Variants in DACH2 observed in about 807,000 individuals in gnomAD.
DACH2 encodes dachshund family transcription factor 2, also known as dachshund homolog 2.
A neutral mutation model predicts 35.8 loss-of-function variants in DACH2; 17 were observed. The observed-to-expected ratio is 0.48, with a 90% CI of 0.33 to 0.71. DACH2 has a LOEUF of 0.71. DACH2 is among the 30% of genes least tolerant of loss of function. DACH2 has a pLI of 0.02. For missense variants in DACH2, 469 were observed against 472.7 expected (o/e 0.99, Z 0.07); for synonymous variants, 195 against 177.3 (o/e 1.10, Z -0.79).
At chrX:86,621,817 T>C (rs112306068) in intron 3 of DACH2, among the ~76,000 whole-genome samples, 1 of 112,103 alleles carries the variant, frequency 8.9e-6, no homozygotes, top group Non-Finnish European at 1.9e-5. Context: ...TTCTCTTACA[T>C]TGGCTCTGTC....
At chrX:86,765,697 G>GTT (rs2041925172) in intron 7 of DACH2, among the ~76,000 whole-genome samples, 2 of 35,215 alleles carry the variant, frequency 5.7e-5, no homozygotes, top group Non-Finnish European at 5.2e-5. Flanking sequence ...GTTGTTTTTT[G>GTT]GTTTTTTTTT....
chrX:86,796,355 T>A (rs1469011792), intron 7 of DACH2, among the ~76,000 whole-genome samples: 1 of 111,653 alleles, frequency 9.0e-6, no homozygotes, highest in Non-Finnish European at 1.9e-5. Context: ...TTGGTGTGTT[T>A]ACAATCCTTT....
chrX:86,687,807 C>T (rs1176778373), intron 4 of DACH2, among the ~76,000 whole-genome samples: 1 of 109,720 alleles, frequency 9.1e-6, no homozygotes, highest in Non-Finnish European at 1.9e-5. Flanking sequence ...AAACCAAACA[C>T]CGCATGTTCT....
At chrX:86,523,063 G>A (rs1024148673) in intron 3 of DACH2, among the ~76,000 whole-genome samples, 6 of 111,579 alleles carry the variant, frequency 5.4e-5, no homozygotes, top group Non-Finnish European at 1.1e-4. Flanking sequence ...AAAATTCTGT[G>A]GTGTTCATTC....
intron 7 of DACH2, among the ~76,000 whole-genome samples, chrX:86,740,126 A>G: frequency 9.0e-6 from 1 of 111,308 alleles, no homozygotes. Flanking sequence ...TGGAAGTAAT[A>G]TGATGAAATT....
At chrX:86,621,650 A>G (rs1441891055) in intron 3 of DACH2, among the ~76,000 whole-genome samples, 1 of 111,833 alleles carries the variant, frequency 8.9e-6, no homozygotes, top group East Asian at 2.8e-4. Flanking sequence ...CATGCTAGTC[A>G]GTCTCTCTTG....
chrX:86,638,589 C>T (rs1428071727), intron 3 of DACH2, among the ~76,000 whole-genome samples: 1 of 111,276 alleles, frequency 9.0e-6, no homozygotes, highest in Non-Finnish European at 1.9e-5. Context: ...CATTAACAAG[C>T]AGGTAAAGGA....
At chrX:86,638,180 C>A (rs2040300821) in intron 3 of DACH2, among the ~76,000 whole-genome samples, 1 of 111,826 alleles carries the variant, frequency 8.9e-6, no homozygotes, top group Non-Finnish European at 1.9e-5. Flanking sequence ...CCACCCTCTT[C>A]AATGGTGCTG....
Position 86,148,457 on chromosome X carries a change from T to C in DACH2, c.-164T>C, listed in dbSNP as rs1186530263. ...CAGCGGGTCGGGGCTGCTCACTGTT[T>C]GTTGAGCTTGAGCGTGAGCCGGCTG... On this transcript the variant is annotated 5_prime_UTR_variant, in exon 1 of 12. Transcript: ENST00000373125. 3.6e-6 allele frequency: 2 copies of C among 558,664 alleles called. No individual in the cohort carries two copies. The highest frequency in any genetic ancestry group is 8.3e-5 in the Admixed American group (2 of 24,103). The allele number at this position is 558,664 out of a possible 1,213,427, so 46.0% of individuals were successfully genotyped here. A position where few individuals can be genotyped will look rare whatever the true frequency, so the allele number is the denominator to read the frequency against.
chrX:86,374,917 G>T (rs1255862688), intron 1 of DACH2, among the ~76,000 whole-genome samples: 2 of 109,689 alleles, frequency 1.8e-5, no homozygotes, highest in Non-Finnish European at 3.8e-5. Flanking sequence ...TGATTATTTG[G>T]CAAAGTATAA....
intron 7 of DACH2, 151 bp from the exon 8 acceptor site, chrX:86,812,705 C>A: frequency 2.8e-6 from 1 of 352,617 alleles, no homozygotes. Flanking sequence ...AAATTAGAGG[C>A]AGCTGGAGAA....
intron 3 of DACH2, among the ~76,000 whole-genome samples, chrX:86,581,571 A>G (rs781345171): frequency 3.6e-5 from 4 of 111,845 alleles, no homozygotes; most frequent in African/African-American, 1.3e-4. Context: ...AAACAAAAAA[A>G]CAGGGGTTGC....
intron 2 of DACH2, among the ~76,000 whole-genome samples, chrX:86,456,684 G>C (rs2037481553): frequency 9.1e-6 from 1 of 109,607 alleles, no homozygotes; most frequent in African/African-American, 3.3e-5. Flanking sequence ...ATGTAGATCT[G>C]AGTTTGTGAC....
At chrX:86,600,529 T>C (rs2039776575) in intron 3 of DACH2, among the ~76,000 whole-genome samples, 1 of 112,318 alleles carries the variant, frequency 8.9e-6, no homozygotes, top group African/African-American at 3.2e-5. Context: ...ACAAGGTAAT[T>C]GCTGTTTTTA....
intron 1 of DACH2, among the ~76,000 whole-genome samples, chrX:86,357,954 G>A (rs2035669668): frequency 8.9e-6 from 1 of 111,971 alleles, no homozygotes; most frequent in Non-Finnish European, 1.9e-5. Flanking sequence ...TGAGTTTCAA[G>A]GACAACTAGA....
intron 1 of DACH2, among the ~76,000 whole-genome samples, chrX:86,237,554 G>A (rs1363639600): frequency 1.8e-5 from 2 of 111,085 alleles, no homozygotes; most frequent in Non-Finnish European, 3.8e-5. Context: ...GTCTGGTGGC[G>A]CCTCTGCCCG....
At chrX:86,249,135 A>T (rs774473826) in intron 1 of DACH2, among the ~76,000 whole-genome samples, 46 of 111,727 alleles carry the variant, frequency 4.1e-4, no homozygotes, top group African/African-American at 1.3e-3. Flanking sequence ...TATTCTGTAC[A>T]TAGCCCTTGG....
chrX:86,821,173 C>T (rs1320624727), intron 11 of DACH2, among the ~76,000 whole-genome samples: 1 of 110,884 alleles, frequency 9.0e-6, no homozygotes, highest in Non-Finnish European at 1.9e-5. Flanking sequence ...AACTCACCAA[C>T]CATTAATTAT....
At chrX:86,329,064 G>A (rs184340131) in intron 1 of DACH2, among the ~76,000 whole-genome samples, 325 of 111,349 alleles carry the variant, frequency 2.9e-3, no homozygotes, top group Non-Finnish European at 4.8e-3. Flanking sequence ...GTGTATGTGC[G>A]GATGGGGAGG....
Sources: allele counts gnomAD v4.1 joint callset (sites outside exome capture counted in the v4.1 genomes callset), GRCh38; gene constraint gnomAD v4.1.1; transcripts MANE v1.5; gene names NCBI Gene and HGNC (gene_info 2026-07-23, HGNC 2026-07-21).